ING5: variants seen among roughly 807,000 people sequenced by gnomAD.
ING5 encodes the protein inhibitor of growth family member 5, also known as inhibitor of growth protein 5.
In ING5, 17 loss-of-function variants were observed where a neutral mutation model predicts 37.4. That is an observed-to-expected ratio of 0.45 (90% CI 0.31 to 0.68). The LOEUF is 0.68. Among genes scored for constraint, ING5 ranks in the 30% least tolerant of loss-of-function variants. The pLI is 0.05. For missense variants in ING5, 233 were observed against 311.9 expected (o/e 0.75, Z 1.91); for synonymous variants, 123 against 116.6 (o/e 1.06, Z -0.36).
intron 5 of ING5, 59 bp from the exon 6 acceptor site, chr2:241,722,880 C>T (rs968073395): frequency 1.2e-6 from 2 of 1,603,280 alleles, no homozygotes; most frequent in Non-Finnish European, 1.7e-6. Context: ...CCCGTGGTGT[C>T]CGTGCCGCCT....
chr2:241,728,572 T>G lies in ING5; in HGVS notation c.*3541T>G, dbSNP rs1426777703. 6.5e-6 allele frequency: 1 copy of G among 152,682 alleles called. No homozygotes were observed. Among genetic ancestry groups the G allele is most frequent in the Non-Finnish European group, 1.5e-5 (1 of 68,086 alleles). The allele number at this position is 152,682 out of a possible 1,614,324, so 9.5% of individuals were successfully genotyped here. ...AGGCTGCAGTGAAAACAGGAGCTGG[T>G]GAAACCGAGCCCTCTGCATCTGCGA... On this transcript the variant is annotated 3_prime_UTR_variant, in exon 8 of 8. Transcript: ENST00000313552.
chr2:241,711,519 A>G (rs190472159), intron 4 of ING5, 31 bp downstream of exon 4: 1 of 1,444,998 alleles, frequency 6.9e-7, no homozygotes, highest in Admixed American at 2.0e-5. Flanking sequence ...TCTTTATTTT[A>G]TTACTGTTAA....
chr2:241,708,644 T>C (rs2070000868), intron 2 of ING5, among the ~76,000 whole-genome samples: 2 of 152,212 alleles, frequency 1.3e-5, no homozygotes, highest in African/African-American at 4.8e-5. Context: ...GAATCATCCG[T>C]GTTGCTGTGT....
chr2:241,692,594 G>A (rs918234322), intron 2 of ING5, among the ~76,000 whole-genome samples: 3 of 151,812 alleles, frequency 2.0e-5, no homozygotes, highest in Admixed American at 6.6e-5. Flanking sequence ...GAGCCACCAC[G>A]CCCAGCCTGA....
At chr2:241,720,390 T>C (rs1390909219) in intron 5 of ING5, 1 of 1,162,608 alleles carries the variant, frequency 8.6e-7, no homozygotes, top group Admixed American at 4.7e-5. Context: ...TGGACTGCCC[T>C]CTTCAGGCCT....
At chr2:241,698,606 G>A (rs867374574), upstream of ING5, among the ~76,000 whole-genome samples, 1 of 151,738 alleles carries the variant, frequency 6.6e-6, no homozygotes, top group Admixed American at 6.6e-5. Flanking sequence ...TGGAAAAATA[G>A]TCTATAATTA....
chr2:241,714,867 A>G (rs2070219864), intron 5 of ING5, among the ~76,000 whole-genome samples: 1 of 152,180 alleles, frequency 6.6e-6, no homozygotes, highest in South Asian at 2.1e-4. Context: ...GTGTGTTGAG[A>G]TTACAGGCGT....
upstream of ING5, among the ~76,000 whole-genome samples, chr2:241,699,714 G>C (rs981602272): frequency 2.0e-5 from 3 of 152,130 alleles, no homozygotes; most frequent in African/African-American, 7.2e-5. Context: ...GGGCCTACAC[G>C]TTACATCTAG....
At position 241,727,094 on chromosome 2, in the gene ING5, C is replaced by T. The variant is rs1314094505; in HGVS notation, c.*2063C>T. On this transcript the variant is annotated 3_prime_UTR_variant, in exon 8 of 8. Transcript: ENST00000313552. ...ACAGGCGTGAGCCACCGCGCCTGGC[C>T]ACCCAGCTAAGTTTGTATTTTTGTT... The T allele has an allele frequency of 1.3e-5, 2 of 151,948 alleles. No individual in the cohort carries two copies. Among genetic ancestry groups the T allele is most frequent in the Admixed American group, 6.6e-5 (1 of 15,252 alleles). The allele number at this position is 151,948 out of a possible 1,614,324, so 9.4% of individuals were successfully genotyped here. A position where few individuals can be genotyped will look rare whatever the true frequency, so the allele number is the denominator to read the frequency against.
rs563925353 is a variant in ING5, at chr2:241,725,643, C to G, written c.*612C>G. The G allele has an allele frequency of 9.8e-5, 15 of 152,768 alleles. No individual in the cohort carries two copies. Among genetic ancestry groups the G allele is most frequent in the African/African-American group, 3.4e-4 (14 of 41,600 alleles). The allele number at this position is 152,768 out of a possible 1,614,324, so 9.5% of individuals were successfully genotyped here. ...GGCGCCGCCTTTTTAGCTTGGACTTCAGTCCTCCCTCGGGGACTCACCTCC... is the reference window on the plus strand; with the variant it reads ...GGCGCCGCCTTTTTAGCTTGGACTTGAGTCCTCCCTCGGGGACTCACCTCC... On this transcript the variant is annotated 3_prime_UTR_variant, in exon 8 of 8. Coordinates refer to ENST00000313552, the MANE Select transcript of ING5 (RefSeq NM_032329.6).
At chr2:241,712,259 A>G (rs1575130669) in intron 5 of ING5, 188 bp downstream of exon 5, 1 of 551,132 alleles carries the variant, frequency 1.8e-6, no homozygotes, top group East Asian at 3.2e-5. Flanking sequence ...TGCCGTTGTC[A>G]GGGGCATTTT....
At chr2:241,708,837 G>A (rs2070008393) in intron 2 of ING5, among the ~76,000 whole-genome samples, 1 of 152,188 alleles carries the variant, frequency 6.6e-6, no homozygotes, top group Non-Finnish European at 1.5e-5. Flanking sequence ...TTTAAGAGTA[G>A]TGTGTTCTTT....
At chr2:241,702,397 T>C (rs2069767674) in intron 1 of ING5, among the ~76,000 whole-genome samples, 2 of 149,662 alleles carry the variant, frequency 1.3e-5, no homozygotes, top group Non-Finnish European at 3.0e-5. Flanking sequence ...CGCCCACATA[T>C]TAGGTCCCGC....
At chr2:241,699,084 G>C (rs915653449), upstream of ING5, among the ~76,000 whole-genome samples, 5 of 150,332 alleles carry the variant, frequency 3.3e-5, no homozygotes, top group African/African-American at 1.2e-4. Flanking sequence ...GAGTGCAATG[G>C]CATGACCTCA....
At chr2:241,703,450 G>C (rs565221589) in intron 1 of ING5, among the ~76,000 whole-genome samples, 3 of 152,050 alleles carry the variant, frequency 2.0e-5, no homozygotes, top group East Asian at 3.9e-4. Context: ...AAAGCAGCAC[G>C]GGGGTCCTCC....
intron 2 of ING5, among the ~76,000 whole-genome samples, chr2:241,707,488 C>T (rs1575125560): frequency 6.6e-6 from 1 of 151,740 alleles, no homozygotes; most frequent in East Asian, 1.9e-4. Context: ...GACGGGGTTT[C>T]TCCATGTTGG....
intron 5 of ING5, among the ~76,000 whole-genome samples, chr2:241,713,858 C>A (rs1479905380): frequency 1.3e-5 from 2 of 152,010 alleles, no homozygotes; most frequent in East Asian, 3.9e-4. Context: ...GAGTAGTTGG[C>A]AGCTGCCTGT....
At chr2:241,719,241 C>T (rs1460570106) in intron 5 of ING5, among the ~76,000 whole-genome samples, 1 of 152,256 alleles carries the variant, frequency 6.6e-6, no homozygotes, top group East Asian at 1.9e-4. Flanking sequence ...TTGCTCTGTG[C>T]AGCCTCTGGA....
intron 5 of ING5, chr2:241,720,821 T>G: frequency 1.0e-6 from 1 of 985,746 alleles, no homozygotes; most frequent in Non-Finnish European, 1.2e-6. Flanking sequence ...CCCCATGGCC[T>G]CCTGGTTGCC....
Sources: allele counts gnomAD v4.1 joint callset (sites outside exome capture counted in the v4.1 genomes callset), GRCh38; gene constraint gnomAD v4.1.1; transcripts MANE v1.5; gene names NCBI Gene and HGNC (gene_info 2026-07-23, HGNC 2026-07-21).